The following APPL1 variants were observed in gnomAD, a reference collection of about 807,000 sequenced individuals.
APPL1 encodes the protein DCC-interacting protein 13-alpha.
APPL1 carries 42 observed loss-of-function variants against 106.8 expected under a neutral mutation model. The ratio of observed to expected loss-of-function variants is 0.39; its 90% CI spans 0.31 to 0.51. APPL1 has a LOEUF of 0.51. Ranked by LOEUF, APPL1 falls within the 20% of genes least tolerant of loss-of-function variation. The pLI is 0.75. For synonymous variants in APPL1, 263 were observed against 281.8 expected, an observed-to-expected ratio of 0.93 and a Z score of 0.67; for missense variants, 769 against 858.2, an observed-to-expected ratio of 0.90 and a Z score of 1.30.
chr3:57,237,580 A>C (rs748171864), intron 3 of APPL1, 29 bp downstream of exon 3: 1 of 1,485,792 alleles, frequency 6.7e-7, no homozygotes. Flanking sequence ...TTAAAAGCAT[A>C]ATTTTAAAAG....
At chr3:57,268,577 G>A in intron 21 of APPL1, 90 bp downstream of exon 21, 1 of 1,419,604 alleles carries the variant, frequency 7.0e-7, no homozygotes, top group East Asian at 2.4e-5. Flanking sequence ...TCCAAATGAA[G>A]GGCTGTTTCT....
chr3:57,262,382 A>G (rs1373152919), intron 19 of APPL1, among the ~76,000 whole-genome samples: 1 of 28,630 alleles, frequency 3.5e-5, no homozygotes, highest in Non-Finnish European at 7.3e-5. Context: ...TATGGAAAAT[A>G]ACCTTTTTTT....
At chr3:57,247,016 A>G (rs1358695108) in intron 8 of APPL1, among the ~76,000 whole-genome samples, 1 of 151,628 alleles carries the variant, frequency 6.6e-6, no homozygotes, top group Non-Finnish European at 1.5e-5. Context: ...AATTGAATCT[A>G]TTTAGGTAAA....
intron 20 of APPL1, chr3:57,268,113 A>G: frequency 2.1e-6 from 1 of 469,134 alleles, no homozygotes; most frequent in Non-Finnish European, 3.7e-6. Context: ...AAGGAATCCA[A>G]GATGCTTGAT....
Position 57,272,467 on chromosome 3 carries a change from C to T in APPL1, c.*2780C>T, listed in dbSNP as rs1009275491. Reference sequence around the variant, plus strand: ...ATGTGCATCCTAGGGAAGATAAAATCGTATATGGTAAAGGCATTTGAGTTA... The same window carrying T: ...ATGTGCATCCTAGGGAAGATAAAATTGTATATGGTAAAGGCATTTGAGTTA... On this transcript the variant is annotated 3_prime_UTR_variant, in exon 22 of 22. Transcript: ENST00000288266. 6.6e-6 allele frequency: 1 copy of T among 152,066 alleles called. No homozygotes were observed. The highest frequency in any genetic ancestry group is 1.5e-5 in the Non-Finnish European group (1 of 67,998). 9.4% of individuals were successfully genotyped at this position (152,066 alleles called of 1,614,324 possible). A position where few individuals can be genotyped will look rare whatever the true frequency, so the allele number is the denominator to read the frequency against.
chr3:57,227,837 C>T lies in APPL1; in HGVS notation c.-47C>T. The stretch of plus-strand genomic sequence containing the variant: ...GCGGCGGGCGGGCCGGCGCGGGGAG[C>T]TGTGGGCGGCAGCTGCGTCTCCTGC... On this transcript the variant is annotated 5_prime_UTR_variant, in exon 1 of 22. Coordinates refer to ENST00000288266, the MANE Select transcript of APPL1 (RefSeq NM_012096.3). 3 of 1,427,704 alleles carry T rather than the reference C, an allele frequency of 2.1e-6. No individual in the cohort carries two copies. The East Asian group carries it at 9.1e-5, about 43-fold the overall frequency. 88.4% of individuals were successfully genotyped at this position (1,427,704 alleles called of 1,614,324 possible). A position where few individuals can be genotyped will look rare whatever the true frequency, so the allele number is the denominator to read the frequency against.
chr3:57,242,807 A>G (rs774032637), intron 6 of APPL1, 49 bp from the exon 7 acceptor site: 7 of 1,388,790 alleles, frequency 5.0e-6, no homozygotes, highest in Non-Finnish European at 6.1e-6. Flanking sequence ...AGCATTTGTA[A>G]GTTTTGAAAA....
In APPL1 at chr3:57,240,615, A is replaced by G. The variant is rs2060740898; in HGVS notation, c.373+63A>G. On this transcript the variant is annotated intron_variant, in intron 5 of 21. Transcript: ENST00000288266. ...TGAGATCAACACTTGTAAAATGCAT[A>G]TTACTCTGTACTTACACCATTTCTG... 27 of 1,386,484 alleles carry G rather than the reference A, an allele frequency of 1.9e-5. No homozygotes were observed. In the South Asian group the frequency reaches 3.0e-4, roughly 16 times the overall value. 85.9% of individuals were successfully genotyped at this position (1,386,484 alleles called of 1,614,324 possible).
chr3:57,267,982 CT>C (rs1331882431), intron 20 of APPL1, 190 bp downstream of exon 20: 1 of 600,406 alleles, frequency 1.7e-6, no homozygotes, highest in Non-Finnish European at 2.9e-6. Context: ...ATCCCAGCTA[CT>C]GAGGAGGTCT....
In APPL1 at chr3:57,242,926, A is replaced by G; in HGVS notation, c.474+12A>G. 6.3e-7 allele frequency: 1 copy of G among 1,597,928 alleles called. No individual in the cohort carries two copies. The highest frequency in any genetic ancestry group is 8.6e-7 in the Non-Finnish European group (1 of 1,166,780). Reference sequence around the variant, plus strand: ...GAGAAAATGACAAGGTGTGGTACATATTTATTCCTTCAGTGTCATAATTAA... The same window carrying G: ...GAGAAAATGACAAGGTGTGGTACATGTTTATTCCTTCAGTGTCATAATTAA... On this transcript the variant is annotated intron_variant, in intron 7 of 21. Coordinates refer to ENST00000288266, the MANE Select transcript of APPL1 (RefSeq NM_012096.3).
In APPL1 at chr3:57,268,441, AAG is replaced by A. The variant is rs1559515963; in HGVS notation, c.1941_1942del (p.Lys648AlafsTer7). On this transcript the variant is annotated frameshift_variant, in exon 21 of 22. Coordinates refer to ENST00000288266, the MANE Select transcript of APPL1 (RefSeq NM_012096.3). LOFTEE classifies it high-confidence loss of function. Reference sequence around the variant, plus strand: ...AAACAAAAAGAAATAGAGAGAGTAAAAGAGAAGCAACAGAAAGAACTCAATAA... The same window carrying A: ...AAACAAAAAGAAATAGAGAGAGTAAAAGAAGCAACAGAAAGAACTCAATAA... 7 of 1,604,592 alleles carry A rather than the reference AAG, an allele frequency of 4.4e-6. No homozygotes were observed. The highest frequency in any genetic ancestry group is 6.0e-6 in the Non-Finnish European group (7 of 1,174,930).
At chr3:57,232,416 T>G (rs80132491) in intron 1 of APPL1, among the ~76,000 whole-genome samples, 2,003 of 152,318 alleles carry the variant, frequency 0.013, 25 homozygotes, top group Admixed American at 0.029. Flanking sequence ...CATACTTGGT[T>G]GTTTCTCCTA....
chr3:57,261,833 G>T (rs2060867980), intron 19 of APPL1, among the ~76,000 whole-genome samples: 2 of 151,990 alleles, frequency 1.3e-5, no homozygotes, highest in African/African-American at 4.8e-5. Flanking sequence ...TTAGTTTTTT[G>T]AGAGATCTCC....
intron 4 of APPL1, among the ~76,000 whole-genome samples, chr3:57,240,202 T>G (rs1320809088): frequency 6.7e-6 from 1 of 150,234 alleles, no homozygotes; most frequent in African/African-American, 2.4e-5. Context: ...ATGATGTCCA[T>G]TATATATTTT....
chr3:57,236,575 G>C (rs548046634), intron 2 of APPL1, among the ~76,000 whole-genome samples: 2 of 152,138 alleles, frequency 1.3e-5, no homozygotes, highest in Non-Finnish European at 2.9e-5. Context: ...TGATCTGCCC[G>C]CCTCGGCCTC....
At chr3:57,237,468 C>G in intron 2 of APPL1, 24 bp from the exon 3 acceptor site, 1 of 1,574,060 alleles carries the variant, frequency 6.4e-7, no homozygotes, top group East Asian at 2.3e-5. Flanking sequence ...CAGTAATATG[C>G]TAATTTGAAT....
intron 7 of APPL1, among the ~76,000 whole-genome samples, chr3:57,244,687 T>C (rs1028801419): frequency 7.2e-5 from 11 of 152,114 alleles, no homozygotes; most frequent in African/African-American, 1.4e-4. Context: ...TTAATGACCT[T>C]GAAATTTGTG....
chr3:57,256,686 C>T (rs112680813), intron 13 of APPL1, among the ~76,000 whole-genome samples: 115 of 152,034 alleles, frequency 7.6e-4, no homozygotes, highest in African/African-American at 2.5e-3. Flanking sequence ...TTAAAGTGTG[C>T]AACACTTGCA....
At chr3:57,247,536 G>A (rs1397246167) in intron 9 of APPL1, 59 bp downstream of exon 9, 20 of 1,059,818 alleles carry the variant, frequency 1.9e-5, no homozygotes, top group South Asian at 5.6e-5. Flanking sequence ...ACAGCTCAAT[G>A]ACATAATGTA....
Sources: gnomAD v4.1 joint callset for allele counts (sites outside exome capture counted in the v4.1 genomes callset) on GRCh38, gnomAD v4.1.1 for gene constraint, MANE v1.5 for transcripts, NCBI Gene and HGNC (gene_info 2026-07-23, HGNC 2026-07-21) for gene names.